Variants in PACSIN2 observed in about 807,000 individuals in gnomAD.
PACSIN2 encodes the protein protein kinase C and casein kinase substrate in neurons 2, also known as protein kinase C and casein kinase substrate in neurons protein 2.
PACSIN2 carries 25 observed loss-of-function variants against 63.8 expected under a neutral mutation model. The observed-to-expected ratio is 0.39, with a 90% CI of 0.29 to 0.55. The LOEUF (loss-of-function observed/expected upper bound fraction) is 0.55, where lower values mean the gene tolerates loss of function less well. PACSIN2 is among the 20% of genes least tolerant of loss of function. The probability of loss-of-function intolerance (pLI) is 0.62; values close to 1 mark genes in which losing one functional copy is unlikely to be tolerated. For missense variants in PACSIN2, 518 were observed against 646.9 expected (o/e 0.80, Z 2.16); for synonymous variants, 255 against 256.2 (o/e 1.00, Z 0.05).
At chr22:42,972,258 G>C (rs901002433) in intron 1 of PACSIN2, among the ~76,000 whole-genome samples, 5 of 152,214 alleles carry the variant, frequency 3.3e-5, no homozygotes, top group Non-Finnish European at 7.3e-5. Flanking sequence ...GGGTTAAATG[G>C]ATTAAGGGCG....
chr22:42,955,330 A>T (rs988791064), intron 1 of PACSIN2, among the ~76,000 whole-genome samples: 8 of 152,206 alleles, frequency 5.3e-5, no homozygotes, highest in African/African-American at 1.9e-4. Context: ...CGAAAAAACA[A>T]ATCAACTGAT....
chr22:42,974,658 G>A (rs376819100), intron 1 of PACSIN2, among the ~76,000 whole-genome samples: 6 of 150,596 alleles, frequency 4.0e-5, no homozygotes, highest in Middle Eastern at 3.4e-3. Flanking sequence ...CTGAGGCACC[G>A]TAACTGCTTA....
At chr22:42,892,712 A>C (rs1353376353) in intron 3 of PACSIN2, among the ~76,000 whole-genome samples, 3 of 152,250 alleles carry the variant, frequency 2.0e-5, no homozygotes, top group Non-Finnish European at 4.4e-5. Context: ...GGGAAAGGAC[A>C]GGCAGCTGGA....
At chr22:42,918,928 A>T (rs949670664) in intron 1 of PACSIN2, among the ~76,000 whole-genome samples, 3 of 152,180 alleles carry the variant, frequency 2.0e-5, no homozygotes, top group African/African-American at 7.2e-5. Flanking sequence ...GGAGACTGAG[A>T]GGCTTCTGAG....
intron 1 of PACSIN2, among the ~76,000 whole-genome samples, chr22:42,983,618 T>C (rs552996541): frequency 6.6e-6 from 1 of 151,986 alleles, no homozygotes; most frequent in African/African-American, 2.4e-5. Flanking sequence ...GATTGACATA[T>C]GAGAATATAT....
At position 42,871,858 on chromosome 22, in the gene PACSIN2, G is replaced by C. The variant is rs775423017; in HGVS notation, c.1349-389C>G. ...TCTTCTGTCCCCTCCCCAGGGCCCC[G>C]GCCGCCTTGCTCCCAGCAGCTGTCT... On this transcript the variant is annotated intron_variant, in intron 10 of 10. Coordinates refer to ENST00000263246, the MANE Select transcript of PACSIN2 (RefSeq NM_001184970.3). The surrounding 1 kb of genome is among the most constrained non-coding windows in gnomAD (Gnocchi z 5.4). Among the ~76,000 whole-genome samples the C allele has an allele frequency of 1.6e-5, 2 of 128,770 alleles. No individual in the cohort carries two copies. Among genetic ancestry groups the C allele is most frequent in the African/African-American group, 5.1e-5 (2 of 39,300 alleles). 84.5% of individuals were successfully genotyped at this position (128,770 alleles called of 152,430 possible).
rs1480334213 is a variant in PACSIN2 at position 42,893,525 on chromosome 22, C to T, written c.149G>A (p.Arg50His). 3.7e-6 allele frequency: 6 copies of T among 1,614,098 alleles called. No homozygotes were observed. The highest frequency in any genetic ancestry group is 1.7e-5 in the Admixed American group (1 of 60,032). ...CTGCTGCGCATACGCCTTCTCGATGCGCGCCCGCTCATGCAGGCAGTTCAT... is the reference window on the plus strand; with the variant it reads ...CTGCTGCGCATACGCCTTCTCGATGTGCGCCCGCTCATGCAGGCAGTTCAT... ...DLMNCLHERARIEKAYAQQLT... is the reference protein window; with the variant it reads ...DLMNCLHERAHIEKAYAQQLT... Residue 50 changes from arginine (R) to histidine (H), a missense_variant, in exon 3 of 11, where the codon CGC becomes CAC. Physicochemically the swap from Arg to His is conservative, Grantham distance 29. This residue lies in a region of PACSIN2 where 507 missense variants were observed against 612.3 expected (regional missense o/e 0.83). Coordinates refer to ENST00000263246, the MANE Select transcript of PACSIN2 (RefSeq NM_001184970.3).
rs1929859730 is a variant in PACSIN2, at chr22:42,890,936, G to A, written c.453+11C>T. On this transcript the variant is annotated intron_variant, in intron 4 of 10. Transcript: ENST00000263246. ...CAAGGCCGGGCAGGGAAGCCTGCAGGACAGATGTACCTCTTTCAGCTTCTT... is the reference window on the plus strand; with the variant it reads ...CAAGGCCGGGCAGGGAAGCCTGCAGAACAGATGTACCTCTTTCAGCTTCTT... 3.1e-6 allele frequency: 5 copies of A among 1,610,262 alleles called. No individual in the cohort carries two copies. Among genetic ancestry groups the A allele is most frequent in the Non-Finnish European group, 4.2e-6 (5 of 1,176,658 alleles).
intron 1 of PACSIN2, among the ~76,000 whole-genome samples, chr22:42,984,501 C>T (rs1034294587): frequency 6.6e-6 from 1 of 152,126 alleles, no homozygotes; most frequent in Non-Finnish European, 1.5e-5. Context: ...CAGACTGGAT[C>T]TGGAGATGAG....
At chr22:42,928,644 T>C (rs1932684667) in intron 1 of PACSIN2, among the ~76,000 whole-genome samples, 1 of 152,170 alleles carries the variant, frequency 6.6e-6, no homozygotes, top group Non-Finnish European at 1.5e-5. Flanking sequence ...CACCCCAAAA[T>C]AGTGGTGGAG....
In PACSIN2 at chr22:42,890,793, G is replaced by A. The variant is rs114105731; in HGVS notation, c.453+154C>T. On this transcript the variant is annotated intron_variant, in intron 4 of 10. Transcript: ENST00000263246. ...AACCTGGGTAAATGTCAACTACCAT[G>A]GGCTTCTAGCCTGAGGAGTGGCTTC... The A allele has an allele frequency of 2.1e-3, 1,282 of 614,580 alleles. 9 individuals are homozygous for A. Among genetic ancestry groups the A allele is most frequent in the African/African-American group, 0.019 (1,022 of 54,244 alleles). 38.1% of individuals were successfully genotyped at this position (614,580 alleles called of 1,614,324 possible).
chr22:42,879,929 A>C (rs1602171910), intron 7 of PACSIN2, among the ~76,000 whole-genome samples: 2 of 152,120 alleles, frequency 1.3e-5, no homozygotes, highest in East Asian at 3.9e-4. Context: ...AGCAAAGCAG[A>C]GTACGCTCCT....
At chr22:42,917,873 C>T (rs962852861) in intron 1 of PACSIN2, among the ~76,000 whole-genome samples, 8 of 152,116 alleles carry the variant, frequency 5.3e-5, no homozygotes, top group African/African-American at 1.9e-4. Flanking sequence ...GATCCTCCTG[C>T]CTCAGCCTCC....
chr22:42,904,626 C>T (rs997761016), intron 2 of PACSIN2, among the ~76,000 whole-genome samples: 2 of 152,178 alleles, frequency 1.3e-5, no homozygotes, highest in East Asian at 1.9e-4. Context: ...AGTGGGGAAA[C>T]GCCAGCTGGG....
intron 1 of PACSIN2, among the ~76,000 whole-genome samples, chr22:42,919,313 T>C (rs2146740271): frequency 6.6e-6 from 1 of 152,172 alleles, no homozygotes; most frequent in African/African-American, 2.4e-5. Flanking sequence ...CCTCCCAGGG[T>C]ATTAAGAGGC....
In PACSIN2 at chr22:43,010,080, G is replaced by A. The variant is rs549004217; in HGVS notation, c.-78+4941C>T. ...AGATGGGGTTTCACCATGTTGGCCA[G>A]GCTGGTCTCGAACTCCTGACCTGAA... is the stretch of plus-strand genomic sequence containing the variant. On this transcript the variant is annotated intron_variant, in intron 1 of 10. Transcript: ENST00000263246. 3.8e-3 allele frequency among the ~76,000 whole-genome samples: 574 copies of A among 151,752 alleles called. 2 individuals carry two copies. Among genetic ancestry groups the A allele is most frequent in the Non-Finnish European group, 6.3e-3 (430 of 67,930 alleles).
At chr22:42,944,219 C>T (rs967845879) in intron 1 of PACSIN2, among the ~76,000 whole-genome samples, 3 of 152,300 alleles carry the variant, frequency 2.0e-5, no homozygotes, top group African/African-American at 7.2e-5. Flanking sequence ...GAACCGCACC[C>T]CCAGCCATCC....
At chr22:42,972,509 T>G (rs539582287) in intron 1 of PACSIN2, among the ~76,000 whole-genome samples, 3 of 152,018 alleles carry the variant, frequency 2.0e-5, no homozygotes, top group Non-Finnish European at 4.4e-5. Flanking sequence ...CAATAAATAC[T>G]AAATATATAT....
chr22:42,909,135 C>T lies in PACSIN2; in HGVS notation c.60+2886G>A, dbSNP rs565414182. ...TCCAGCAAGCATCCAAGTGCAGCAA[C>T]GTCCACTACCCCATGCTGCCTTTCC... On this transcript the variant is annotated intron_variant, in intron 2 of 10. Coordinates refer to ENST00000263246, the MANE Select transcript of PACSIN2 (RefSeq NM_001184970.3). Among the ~76,000 whole-genome samples the T allele has an allele frequency of 5.3e-5, 8 of 152,260 alleles. No individual in the cohort carries two copies. The South Asian group carries it at 1.7e-3, about 32-fold the overall frequency.
Sources: allele counts gnomAD v4.1 joint callset (sites outside exome capture counted in the v4.1 genomes callset), GRCh38; gene constraint gnomAD v4.1.1; regional missense constraint gnomAD v4.1.1; non-coding constraint Gnocchi (gnomAD v3.1); transcripts MANE v1.5; gene names NCBI Gene and HGNC (gene_info 2026-07-23, HGNC 2026-07-21).